The following EGFLAM variants were observed in gnomAD, a reference collection of about 807,000 sequenced individuals.
The protein encoded by EGFLAM is EGF like, fibronectin type III and laminin G domains.
Under a neutral mutation model 113.1 loss-of-function variants are expected in EGFLAM, and 79 were observed. The observed-to-expected ratio is 0.70, with a 90% CI of 0.58 to 0.84. The LOEUF (loss-of-function observed/expected upper bound fraction) is 0.84, where lower values mean the gene tolerates loss of function less well. Among genes scored for constraint, EGFLAM ranks in the 40% least tolerant of loss-of-function variants. The pLI, the probability that EGFLAM is intolerant of heterozygous loss-of-function variation, is 0.00. For synonymous variants in EGFLAM, 504 were observed against 487.6 expected, an observed-to-expected ratio of 1.03 and a Z score of -0.44; for missense variants, 1,265 against 1,291.6, an observed-to-expected ratio of 0.98 and a Z score of 0.32.
intron 1 of EGFLAM, among the ~76,000 whole-genome samples, chr5:38,267,519 G>A (rs1757660459): frequency 1.3e-5 from 2 of 152,120 alleles, no homozygotes; most frequent in Admixed American, 6.5e-5. Flanking sequence ...AAAAAAATGG[G>A]TGATGGCTGT....
chr5:38,387,203 C>A (rs917345814), intron 6 of EGFLAM, among the ~76,000 whole-genome samples: 1 of 152,158 alleles, frequency 6.6e-6, no homozygotes, highest in Non-Finnish European at 1.5e-5. Flanking sequence ...AAGTAGAAAC[C>A]CATCCTGCAG....
In EGFLAM at chr5:38,405,809, T is replaced by C. The variant is rs932760023; in HGVS notation, c.713-317T>C. On this transcript the variant is annotated intron_variant, in intron 6 of 21. Coordinates refer to ENST00000322350, the MANE Select transcript of EGFLAM (RefSeq NM_152403.4). ...TTCACAAAGTGACTGGACCAGTTTA[T>C]ACAAGTACCATATGAGTCCTCATTG... Among the ~76,000 whole-genome samples the C allele has an allele frequency of 5.3e-5, 8 of 152,342 alleles. No homozygotes were observed. The South Asian group carries it at 8.3e-4, about 16-fold the overall frequency.
chr5:38,367,381 A>G (rs1034861765), intron 5 of EGFLAM, among the ~76,000 whole-genome samples: 1 of 149,222 alleles, frequency 6.7e-6, no homozygotes, highest in African/African-American at 2.5e-5. Flanking sequence ...TTAGTAGCTG[A>G]GATTATAGGC....
chr5:38,446,307 C>G (rs1742709940), intron 17 of EGFLAM, among the ~76,000 whole-genome samples: 1 of 152,194 alleles, frequency 6.6e-6, no homozygotes, highest in African/African-American at 2.4e-5. Context: ...CCTTTTCCGG[C>G]GCCGCCTTCT....
intron 1 of EGFLAM, among the ~76,000 whole-genome samples, chr5:38,315,849 G>C (rs1192776232): frequency 6.6e-6 from 1 of 152,156 alleles, no homozygotes; most frequent in Non-Finnish European, 1.5e-5. Context: ...GCCGAGGCAG[G>C]TGGACCACCT....
intron 6 of EGFLAM, chr5:38,403,881 C>T: frequency 6.2e-7 from 1 of 1,613,932 alleles, no homozygotes; most frequent in African/African-American, 1.3e-5. Flanking sequence ...CTTGAGAGAA[C>T]ATGCATCCAG....
intron 1 of EGFLAM, among the ~76,000 whole-genome samples, chr5:38,270,865 A>G (rs976131367): frequency 6.6e-6 from 1 of 152,210 alleles, no homozygotes. Flanking sequence ...TGTGGTCTAT[A>G]GAGTTTATAG....
chr5:38,371,521 C>T (rs573658000), intron 6 of EGFLAM, among the ~76,000 whole-genome samples: 1 of 152,214 alleles, frequency 6.6e-6, no homozygotes, highest in South Asian at 2.1e-4. Context: ...TTGAAAACAA[C>T]CTCTACCCTA....
rs560580287 is a variant in EGFLAM at position 38,373,115 on chromosome 5, T to G, written c.712+2653T>G. The stretch of plus-strand genomic sequence containing the variant: ...AGTATCAGAGCTACCATTGGGAAGA[T>G]GTACTATGAGCCAGGCAATGTGCTG... On this transcript the variant is annotated intron_variant, in intron 6 of 21. Coordinates refer to ENST00000322350, the MANE Select transcript of EGFLAM (RefSeq NM_152403.4). 9.3e-4 allele frequency among the ~76,000 whole-genome samples: 142 copies of G among 152,320 alleles called. No homozygotes were observed. In the Middle Eastern group the frequency reaches 0.017, roughly 18 times the overall value.
At chr5:38,289,983 C>G (rs1360126748) in intron 1 of EGFLAM, among the ~76,000 whole-genome samples, 1 of 152,168 alleles carries the variant, frequency 6.6e-6, no homozygotes, top group East Asian at 1.9e-4. Context: ...GTTCTTTATA[C>G]CCATTATCTT....
chr5:38,373,415 TC>T lies in EGFLAM; in HGVS notation c.712+2957del, dbSNP rs1419729354. On this transcript the variant is annotated intron_variant, in intron 6 of 21. Transcript: ENST00000322350. ...TTCAGCCCCCACCTCCCTCCCAACC[TC>T]CCCGCTGCCTTTTGGAGTCCCCATT... Among the ~76,000 whole-genome samples, 3 of 152,184 alleles carry T rather than the reference TC, an allele frequency of 2.0e-5. No individual in the cohort carries two copies. The East Asian group carries it at 5.8e-4, about 29-fold the overall frequency.
At chr5:38,422,791 C>T (rs1031608281) in intron 12 of EGFLAM, among the ~76,000 whole-genome samples, 3 of 152,114 alleles carry the variant, frequency 2.0e-5, no homozygotes, top group African/African-American at 7.2e-5. Context: ...ACTACTAACA[C>T]TAGAAGTATC....
At chr5:38,346,070 G>A (rs1403997275) in intron 3 of EGFLAM, among the ~76,000 whole-genome samples, 2 of 152,036 alleles carry the variant, frequency 1.3e-5, no homozygotes, top group South Asian at 2.1e-4. Context: ...AGAGACAGAC[G>A]GGAAACAGCC....
At chr5:38,351,131 CAG>C (rs1167248404) in intron 4 of EGFLAM, among the ~76,000 whole-genome samples, 1 of 138,472 alleles carries the variant, frequency 7.2e-6, no homozygotes, top group African/African-American at 2.7e-5. Context: ...TTTTTTGAGA[CAG>C]AGTCTCACTC....
At chr5:38,322,464 G>A (rs1038015947) in intron 1 of EGFLAM, among the ~76,000 whole-genome samples, 9 of 152,182 alleles carry the variant, frequency 5.9e-5, no homozygotes, top group African/African-American at 2.4e-5. Context: ...CAGGGCCCAC[G>A]TTTGCCTGGG....
At chr5:38,293,143 A>G (rs763318587) in intron 1 of EGFLAM, among the ~76,000 whole-genome samples, 1 of 152,200 alleles carries the variant, frequency 6.6e-6, no homozygotes, top group African/African-American at 2.4e-5. Flanking sequence ...CTTTTAATTC[A>G]TCTGGTGCTT....
intron 1 of EGFLAM, among the ~76,000 whole-genome samples, chr5:38,330,387 T>G (rs1204318946): frequency 1.3e-5 from 2 of 152,172 alleles, no homozygotes; most frequent in Non-Finnish European, 2.9e-5. Context: ...TGCGGGTGTC[T>G]GGAAGCAGTT....
intron 6 of EGFLAM, among the ~76,000 whole-genome samples, chr5:38,385,283 C>T (rs1488458497): frequency 9.5e-6 from 1 of 105,126 alleles, no homozygotes; most frequent in African/African-American, 3.2e-5. Context: ...CACCCACCCC[C>T]CCCCCCCGCC....
intron 1 of EGFLAM, among the ~76,000 whole-genome samples, chr5:38,330,330 GC>G (rs1215303651): frequency 6.6e-6 from 1 of 152,128 alleles, no homozygotes; most frequent in African/African-American, 2.4e-5. Context: ...GCCAAGCAAG[GC>G]CATCAAAACA....
Sources: allele counts gnomAD v4.1 joint callset (sites outside exome capture counted in the v4.1 genomes callset), GRCh38; gene constraint gnomAD v4.1.1; transcripts MANE v1.5; gene names NCBI Gene and HGNC (gene_info 2026-07-23, HGNC 2026-07-21).